FRMPD1: variants seen among roughly 807,000 people sequenced by gnomAD.
FRMPD1 encodes the protein FERM and PDZ domain-containing protein 1.
FRMPD1 carries 76 observed loss-of-function variants against 117.8 expected under a neutral mutation model. The ratio of observed to expected loss-of-function variants is 0.65; its 90% CI spans 0.54 to 0.78. FRMPD1 has a LOEUF of 0.78. Ranked by LOEUF, FRMPD1 falls within the 30% of genes least tolerant of loss-of-function variation. FRMPD1 has a pLI of 0.00. For synonymous variants in FRMPD1, 783 were observed against 770.4 expected, an observed-to-expected ratio of 1.02 and a Z score of -0.27; for missense variants, 1,786 against 1,964.5, an observed-to-expected ratio of 0.91 and a Z score of 1.72.
chr9:37,724,216 G>GT lies in FRMPD1; in HGVS notation c.517-5dup. 1 of 1,459,376 alleles carries GT rather than the reference G, an allele frequency of 6.9e-7. No individual in the cohort carries two copies. Among genetic ancestry groups the GT allele is most frequent in the East Asian group, 2.3e-5 (1 of 44,128 alleles). The allele number at this position is 1,459,376 out of a possible 1,614,324, so 90.4% of individuals were successfully genotyped here. ...GACAGGGATACAACAATACTCTTGT[G>GT]TTTTCCAGGGTAATTCTCTGCTGTG... On this transcript the variant is annotated splice_polypyrimidine_tract_variant and intron_variant, in intron 6 of 15. Coordinates refer to ENST00000377765, the MANE Select transcript of FRMPD1 (RefSeq NM_014907.3).
intron 1 of FRMPD1, among the ~76,000 whole-genome samples, chr9:37,662,693 G>A (rs1165667716): frequency 1.3e-5 from 2 of 152,110 alleles, no homozygotes; most frequent in African/African-American, 4.8e-5. Flanking sequence ...GCTTTGAATT[G>A]GAATTATCAG....
intron 1 of FRMPD1, among the ~76,000 whole-genome samples, chr9:37,677,305 G>C (rs1309488784): frequency 6.6e-6 from 1 of 152,198 alleles, no homozygotes; most frequent in Non-Finnish European, 1.5e-5. Flanking sequence ...CTGTTTATTA[G>C]TATGATAGGT....
chr9:37,686,773 G>T (rs768533043), intron 1 of FRMPD1, among the ~76,000 whole-genome samples: 2 of 152,234 alleles, frequency 1.3e-5, no homozygotes, highest in Non-Finnish European at 2.9e-5. Flanking sequence ...TTCAAAAGGC[G>T]TGGAAAGGCT....
At chr9:37,650,232 T>C (rs1340470720), upstream of FRMPD1, among the ~76,000 whole-genome samples, 1 of 152,120 alleles carries the variant, frequency 6.6e-6, no homozygotes, top group African/African-American at 2.4e-5. Context: ...GGTATCATGC[T>C]CAGAGAGGCG....
intron 6 of FRMPD1, 27 bp downstream of exon 6, chr9:37,719,203 T>G: frequency 7.1e-7 from 1 of 1,415,618 alleles, no homozygotes; most frequent in Non-Finnish European, 1.0e-6. Flanking sequence ...GGGATTGAAA[T>G]TATGAAGCTG....
At chr9:37,737,278 C>T (rs1453737823) in intron 14 of FRMPD1, 35 bp downstream of exon 14, 1 of 1,606,540 alleles carries the variant, frequency 6.2e-7, no homozygotes, top group East Asian at 2.2e-5. Context: ...TAAGGACAGG[C>T]CCCTTTCACT....
At chr9:37,652,232 A>G (rs1363600246) in intron 1 of FRMPD1, among the ~76,000 whole-genome samples, 2 of 152,122 alleles carry the variant, frequency 1.3e-5, no homozygotes, top group East Asian at 3.9e-4. Flanking sequence ...CTAGTCTAAG[A>G]TGATGGTTGA....
At chr9:37,701,002 G>T (rs980952774) in intron 2 of FRMPD1, among the ~76,000 whole-genome samples, 5 of 152,194 alleles carry the variant, frequency 3.3e-5, no homozygotes, top group Non-Finnish European at 7.3e-5. Flanking sequence ...AGCGGCCATG[G>T]TTTGGTCATG....
chr9:37,610,225 T>A, the FRMPD1 span, among the ~76,000 whole-genome samples: 1 of 152,226 alleles, frequency 6.6e-6, no homozygotes, highest in Non-Finnish European at 1.5e-5. Context: ...CATGTGATAT[T>A]TTGATGCAAG....
chr9:37,735,732 A>C lies in FRMPD1; in HGVS notation c.1399A>C (p.Lys467Gln). The C allele has an allele frequency of 6.2e-7, 1 of 1,608,574 alleles. No homozygotes were observed. Among genetic ancestry groups the C allele is most frequent in the Non-Finnish European group, 8.5e-7 (1 of 1,175,296 alleles). Residue 467 changes from lysine (K) to glutamine (Q), a missense_variant and splice_region_variant, in exon 13 of 16, where the codon AAG becomes CAG. Coordinates refer to ENST00000377765, the MANE Select transcript of FRMPD1 (RefSeq NM_014907.3). ...SVVKVYLQDV[K>Q]VLTLLLESNS... ...CGTCAAAGTGTATCTTCAGGACGTC[A>C]AGGTAACACAATGGGGAGAGATTCT... is the stretch of plus-strand genomic sequence containing the variant.
intron 2 of FRMPD1, chr9:37,693,234 A>G (rs563420583): frequency 6.4e-6 from 1 of 155,380 alleles, no homozygotes; most frequent in East Asian, 1.9e-4. Context: ...CGTTTCCAGC[A>G]GCTGTTCCTT....
At chr9:37,722,520 G>A (rs1047388343) in intron 6 of FRMPD1, among the ~76,000 whole-genome samples, 1 of 152,114 alleles carries the variant, frequency 6.6e-6, no homozygotes, top group Non-Finnish European at 1.5e-5. Context: ...CAATTCTTCT[G>A]TCTCAGCCTC....
the FRMPD1 span, among the ~76,000 whole-genome samples, chr9:37,612,468 C>A: frequency 6.6e-6 from 1 of 151,826 alleles, no homozygotes; most frequent in African/African-American, 2.4e-5. Context: ...CCTGCCTCAG[C>A]CTCCCAAGTA....
intron 7 of FRMPD1, 83 bp downstream of exon 7, chr9:37,724,403 G>T: frequency 1.4e-6 from 1 of 709,924 alleles, no homozygotes; most frequent in Non-Finnish European, 2.6e-6. Context: ...CCCTGCATCT[G>T]CCTTGGTGGT....
At chr9:37,684,582 C>T (rs185121588) in intron 1 of FRMPD1, among the ~76,000 whole-genome samples, 2 of 152,204 alleles carry the variant, frequency 1.3e-5, no homozygotes, top group East Asian at 3.9e-4. Flanking sequence ...AGTAAGGAGA[C>T]TGGCTGGGGG....
At chr9:37,632,745 G>A in the FRMPD1 span, among the ~76,000 whole-genome samples, 2 of 152,120 alleles carry the variant, frequency 1.3e-5, no homozygotes, top group Non-Finnish European at 2.9e-5. Flanking sequence ...ACTCTAATTA[G>A]CCAAGACTGA....
chr9:37,653,227 C>G (rs1820735059), intron 1 of FRMPD1, among the ~76,000 whole-genome samples: 1 of 152,140 alleles, frequency 6.6e-6, no homozygotes, highest in South Asian at 2.1e-4. Flanking sequence ...ATTCCAAACT[C>G]ACAAGATTAA....
chr9:37,672,738 G>T (rs867311254), intron 1 of FRMPD1, among the ~76,000 whole-genome samples: 1 of 152,124 alleles, frequency 6.6e-6, no homozygotes, highest in Non-Finnish European at 1.5e-5. Flanking sequence ...AGTTCCACAG[G>T]CTGGGGAGGC....
intron 2 of FRMPD1, among the ~76,000 whole-genome samples, chr9:37,706,424 T>C (rs1350704201): frequency 6.6e-6 from 1 of 152,214 alleles, no homozygotes; most frequent in Non-Finnish European, 1.5e-5. Flanking sequence ...GAATAAATGA[T>C]AGACCTTAAC....
Sources: allele counts gnomAD v4.1 joint callset (sites outside exome capture counted in the v4.1 genomes callset), GRCh38; gene constraint gnomAD v4.1.1; transcripts MANE v1.5; gene names NCBI Gene and HGNC (gene_info 2026-07-23, HGNC 2026-07-21).